CAMK1D: variants seen among roughly 807,000 people sequenced by gnomAD.
CAMK1D encodes the protein calcium/calmodulin-dependent protein kinase type 1D.
In CAMK1D, 9 loss-of-function variants were observed where a neutral mutation model predicts 47.7. The observed-to-expected ratio is 0.19, with a 90% CI of 0.11 to 0.33. The LOEUF (loss-of-function observed/expected upper bound fraction) is 0.33. Ranked by LOEUF, CAMK1D falls within the 10% of genes least tolerant of loss-of-function variation. The probability of loss-of-function intolerance (pLI) is 1.00; values close to 1 mark genes in which losing one functional copy is unlikely to be tolerated. For missense variants in CAMK1D, 291 were observed against 488.7 expected (o/e 0.60, Z 3.81); for synonymous variants, 184 against 184.9 (o/e 0.99, Z 0.04).
At chr10:12,640,188 G>A (rs1030796671) in intron 2 of CAMK1D, among the ~76,000 whole-genome samples, 1 of 152,044 alleles carries the variant, frequency 6.6e-6, no homozygotes, top group African/African-American at 2.4e-5. Context: ...CTCCAGCTTG[G>A]GAGTCTGTTT....
At chr10:12,405,581 A>G (rs1011828179) in intron 1 of CAMK1D, among the ~76,000 whole-genome samples, 1 of 152,148 alleles carries the variant, frequency 6.6e-6, no homozygotes, top group Admixed American at 6.5e-5. Context: ...GACAATTAAC[A>G]CCTGAAATTG....
chr10:12,804,937 C>CAAAAAAAAAAAAAAAAA (rs145584740), intron 6 of CAMK1D, among the ~76,000 whole-genome samples: 1 of 51,056 alleles, frequency 2.0e-5, no homozygotes, highest in Non-Finnish European at 3.2e-5. Context: ...GACCCTGTCT[C>CAAAAAAAAAAAAAAAAA]AAAAAAAAAA....
chr10:12,475,846 G>T (rs4443983), intron 1 of CAMK1D, among the ~76,000 whole-genome samples: 57,223 of 151,806 alleles, frequency 0.38, 11,146 homozygotes, highest in East Asian at 0.69. Context: ...AGTGAACATA[G>T]TTCATGCTAG....
At chr10:12,746,451 A>G (rs1346290960) in intron 3 of CAMK1D, among the ~76,000 whole-genome samples, 1 of 152,066 alleles carries the variant, frequency 6.6e-6, no homozygotes, top group Non-Finnish European at 1.5e-5. Context: ...TTGGGAGGAC[A>G]TTGGAACGTT....
chr10:12,792,260 T>A (rs1044019771), intron 6 of CAMK1D, among the ~76,000 whole-genome samples: 1 of 151,342 alleles, frequency 6.6e-6, no homozygotes, highest in Non-Finnish European at 1.5e-5. Context: ...GCCATAGGCT[T>A]GTTGCAGTTA....
chr10:12,820,317 C>T (rs1014937392), intron 8 of CAMK1D, among the ~76,000 whole-genome samples: 7 of 152,232 alleles, frequency 4.6e-5, no homozygotes, highest in African/African-American at 1.2e-4. Flanking sequence ...CCACCATGCC[C>T]GGCCTACAGT....
intron 1 of CAMK1D, among the ~76,000 whole-genome samples, chr10:12,524,623 C>T (rs536350396): frequency 1.2e-3 from 176 of 152,052 alleles, no homozygotes; most frequent in African/African-American, 3.9e-3. Context: ...AGGAGAATGG[C>T]GTGAACCCAG....
At chr10:12,394,851 G>T (rs1025962377) in intron 1 of CAMK1D, among the ~76,000 whole-genome samples, 2 of 152,088 alleles carry the variant, frequency 1.3e-5, no homozygotes, top group African/African-American at 4.8e-5. Context: ...TGACCTCAGA[G>T]CCTGTAGCAG....
At chr10:12,367,876 G>A (rs1252922221) in intron 1 of CAMK1D, among the ~76,000 whole-genome samples, 1 of 152,098 alleles carries the variant, frequency 6.6e-6, no homozygotes, top group Admixed American at 6.6e-5. Context: ...ATGGCCTGGG[G>A]GCTGTGGACC....
chr10:12,433,328 A>G (rs749946965), intron 1 of CAMK1D, among the ~76,000 whole-genome samples: 1 of 151,792 alleles, frequency 6.6e-6, no homozygotes, highest in East Asian at 1.9e-4. Context: ...TTAATTACCA[A>G]TGCCTGATAT....
At chr10:12,825,148 T>C (rs3122548) in intron 9 of CAMK1D, among the ~76,000 whole-genome samples, 175 of 900 alleles carry the variant, frequency 0.19, 25 homozygotes, top group South Asian at 0.38. Flanking sequence ...AAAGTAGTTG[T>C]GGTTTCTTCC....
intron 1 of CAMK1D, among the ~76,000 whole-genome samples, chr10:12,496,001 G>A (rs12771280): frequency 0.12 from 18,015 of 151,760 alleles, 1,296 homozygotes; most frequent in Non-Finnish European, 0.17. Flanking sequence ...TATTTTTTTG[G>A]TATTTTTTGT....
chr10:12,387,058 G>A (rs1354928945), intron 1 of CAMK1D, among the ~76,000 whole-genome samples: 1 of 151,464 alleles, frequency 6.6e-6, no homozygotes, highest in East Asian at 1.9e-4. Context: ...AAAAAAATTA[G>A]CCAGGTGTGA....
intron 2 of CAMK1D, among the ~76,000 whole-genome samples, chr10:12,659,567 A>G (rs1396246639): frequency 6.6e-6 from 1 of 152,312 alleles, no homozygotes; most frequent in Admixed American, 6.5e-5. Context: ...CAATATCCCA[A>G]TTTTCTCAGC....
chr10:12,617,003 C>G (rs1254717904), intron 2 of CAMK1D, among the ~76,000 whole-genome samples: 2 of 151,926 alleles, frequency 1.3e-5, no homozygotes, highest in African/African-American at 4.8e-5. Flanking sequence ...TTGGGGATCG[C>G]CTTTTTAATA....
Position 12,470,585 on chromosome 10 carries a change from C to T in CAMK1D, c.93-82640C>T, listed in dbSNP as rs1406901539. ...CAGGTGGAGTGCGGTGGCGCGATCT[C>T]TTCTCACTGCAACCTCTGCCTCCTG... On this transcript the variant is annotated intron_variant, in intron 1 of 10. Transcript: ENST00000619168. 1.1e-4 allele frequency among the ~76,000 whole-genome samples: 17 copies of T among 151,852 alleles called. No individual in the cohort carries two copies. In the East Asian group the frequency reaches 3.3e-3, roughly 29 times the overall value.
At chr10:12,669,891 T>C (rs1394057417) in intron 3 of CAMK1D, among the ~76,000 whole-genome samples, 1 of 152,210 alleles carries the variant, frequency 6.6e-6, no homozygotes, top group African/African-American at 2.4e-5. Context: ...TAGTATTCCA[T>C]TATTTTATGA....
At chr10:12,522,474 A>C (rs1326149246) in intron 1 of CAMK1D, among the ~76,000 whole-genome samples, 6 of 150,590 alleles carry the variant, frequency 4.0e-5, no homozygotes, top group Admixed American at 2.0e-4. Context: ...TTTAACCCTG[A>C]GTGGACACAG....
chr10:12,622,224 G>T (rs541890121), intron 2 of CAMK1D, among the ~76,000 whole-genome samples: 2 of 152,188 alleles, frequency 1.3e-5, no homozygotes, highest in Non-Finnish European at 2.9e-5. Flanking sequence ...TGCTGGTGGT[G>T]GTGGGCCATA....
Sources: gnomAD v4.1 joint callset for allele counts (sites outside exome capture counted in the v4.1 genomes callset) on GRCh38, gnomAD v4.1.1 for gene constraint, MANE v1.5 for transcripts, NCBI Gene and HGNC (gene_info 2026-07-23, HGNC 2026-07-21) for gene names.